Variants in ANO3 observed in about 807,000 individuals in gnomAD.
ANO3 encodes anoctamin 3.
Under a neutral mutation model 144.8 loss-of-function variants are expected in ANO3, and 99 were observed. The ratio of observed to expected loss-of-function variants is 0.68; its 90% CI spans 0.58 to 0.81. ANO3 has a LOEUF of 0.81. Ranked by LOEUF, ANO3 falls within the 30% of genes least tolerant of loss-of-function variation. The pLI, the probability that ANO3 is intolerant of heterozygous loss-of-function variation, is 0.00. For synonymous variants in ANO3, 414 were observed against 392.6 expected (o/e 1.05, Z -0.64); for missense variants, 905 against 1,202.2 (o/e 0.75, Z 3.66).
At chr11:26,496,937 A>G (rs1414682493) in intron 4 of ANO3, among the ~76,000 whole-genome samples, 2 of 149,860 alleles carry the variant, frequency 1.3e-5, no homozygotes, top group East Asian at 3.9e-4. Flanking sequence ...CAACCTAAGC[A>G]TTCATCACAG....
intron 4 of ANO3, among the ~76,000 whole-genome samples, chr11:26,470,665 G>A (rs1310374699): frequency 6.6e-6 from 1 of 151,916 alleles, no homozygotes; most frequent in South Asian, 2.1e-4. Flanking sequence ...GTAAAAAAAT[G>A]TGCAGTATAA....
intron 3 of ANO3, among the ~76,000 whole-genome samples, chr11:26,452,588 C>A (rs1399204250): frequency 6.6e-6 from 1 of 152,074 alleles, no homozygotes; most frequent in Non-Finnish European, 1.5e-5. Flanking sequence ...TGTGAAAAGA[C>A]CAAATCTACA....
chr11:26,419,101 TTACAATCA>T (rs60695910), intron 1 of ANO3, among the ~76,000 whole-genome samples: 8,375 of 152,166 alleles, frequency 0.055, 270 homozygotes, highest in African/African-American at 0.09. Context: ...CTCAGGAAAC[TTACAATCA>T]TGGCAGAAGG....
At chr11:26,618,702 C>T (rs1852330145) in intron 17 of ANO3, among the ~76,000 whole-genome samples, 1 of 152,120 alleles carries the variant, frequency 6.6e-6, no homozygotes, top group African/African-American at 2.4e-5. Context: ...TCCAAATCAC[C>T]CTGCACTCCA....
Position 26,301,416 on chromosome 11 carries a change from T to C in ANO3, c.155-8229T>C, listed in dbSNP as rs562500836. On this transcript the variant is annotated intron_variant, in intron 1 of 27. Transcript: ENST00000672621. Reference sequence around the variant, plus strand: ...TTAAAATAATTTTAAAATAGCAGCATAAATGAAACTGAAGTACTTTTATTT... The same window carrying C: ...TTAAAATAATTTTAAAATAGCAGCACAAATGAAACTGAAGTACTTTTATTT... 3.3e-5 allele frequency among the ~76,000 whole-genome samples: 5 copies of C among 152,350 alleles called. No individual in the cohort carries two copies. In the South Asian group the frequency reaches 8.3e-4, roughly 25 times the overall value.
intron 8 of ANO3, among the ~76,000 whole-genome samples, chr11:26,532,730 G>A (rs75310988): frequency 0.098 from 14,852 of 151,712 alleles, 929 homozygotes; most frequent in Middle Eastern, 0.15. Flanking sequence ...TTCATATGGC[G>A]TAGTCCTTCC....
rs544661168 is a variant in ANO3, at chr11:26,444,243, T to A, written c.313+407T>A. Reference sequence around the variant, plus strand: ...TATTTTTCCTATAACAGTGACAAGTTTACTCAATCTCCTTTTTTGCCTTTT... The same window carrying A: ...TATTTTTCCTATAACAGTGACAAGTATACTCAATCTCCTTTTTTGCCTTTT... On this transcript the variant is annotated intron_variant, in intron 3 of 26. Coordinates refer to ENST00000256737, the MANE Select transcript of ANO3 (RefSeq NM_031418.4). Among the ~76,000 whole-genome samples the A allele has an allele frequency of 7.2e-5, 11 of 152,320 alleles. No homozygotes were observed. In the East Asian group the frequency reaches 1.5e-3, roughly 21 times the overall value.
At chr11:26,242,963 A>G (rs1382167247) in intron 1 of ANO3, among the ~76,000 whole-genome samples, 1 of 152,176 alleles carries the variant, frequency 6.6e-6, no homozygotes, top group African/African-American at 2.4e-5. Context: ...TGTTTATTGT[A>G]TATCATCATC....
At chr11:26,307,721 A>AAATAATAATAATAATAATAATAAT (rs56805697), upstream of ANO3, among the ~76,000 whole-genome samples, 1 of 142,512 alleles carries the variant, frequency 7.0e-6, no homozygotes, top group Non-Finnish European at 1.5e-5. Context: ...CTCCGTCTCT[A>AAATAATAATAATAATAATAATAAT]AATAATAATA....
intron 1 of ANO3, among the ~76,000 whole-genome samples, chr11:26,342,888 T>C (rs536633883): frequency 6.4e-4 from 98 of 152,322 alleles, no homozygotes; most frequent in African/African-American, 2.3e-3. Context: ...ATTGTATATA[T>C]ATTTAGGGTG....
At chr11:26,648,599 G>A (rs1853424735) in intron 24 of ANO3, among the ~76,000 whole-genome samples, 1 of 151,470 alleles carries the variant, frequency 6.6e-6, no homozygotes. Flanking sequence ...TCCTCTGGGG[G>A]ACAAAATGAC....
chr11:26,564,692 T>C (rs978185658), intron 14 of ANO3, among the ~76,000 whole-genome samples: 84 of 41,136 alleles, frequency 2.0e-3, no homozygotes, highest in East Asian at 0.015. Context: ...CTCATATATA[T>C]ACACACACAC....
At chr11:26,620,951 T>C (rs534853665) in intron 17 of ANO3, among the ~76,000 whole-genome samples, 21 of 152,350 alleles carry the variant, frequency 1.4e-4, no homozygotes, top group Non-Finnish European at 2.4e-4. Flanking sequence ...TTTGTTCATG[T>C]CTATGTCCAT....
At chr11:26,615,769 G>C (rs1417527183) in intron 17 of ANO3, among the ~76,000 whole-genome samples, 1 of 151,986 alleles carries the variant, frequency 6.6e-6, no homozygotes, top group Non-Finnish European at 1.5e-5. Flanking sequence ...GCATCTTTAA[G>C]TTTGATCATT....
chr11:26,436,045 C>T (rs1253008405), intron 1 of ANO3, among the ~76,000 whole-genome samples: 1 of 152,154 alleles, frequency 6.6e-6, no homozygotes, highest in East Asian at 1.9e-4. Flanking sequence ...TAGGCTGCCT[C>T]TGATTGCAAT....
At chr11:26,627,726 T>C (rs1852632015) in intron 18 of ANO3, among the ~76,000 whole-genome samples, 1 of 152,126 alleles carries the variant, frequency 6.6e-6, no homozygotes, top group South Asian at 2.1e-4. Flanking sequence ...TGATGATTTA[T>C]GTCTGTTGAT....
At chr11:26,542,250 G>A (rs777653869) in intron 11 of ANO3, among the ~76,000 whole-genome samples, 182 bp downstream of exon 11, 1 of 152,136 alleles carries the variant, frequency 6.6e-6, no homozygotes, top group Non-Finnish European at 1.5e-5. Context: ...TGGGAGAGCT[G>A]AGAAATCAAA....
intron 1 of ANO3, among the ~76,000 whole-genome samples, chr11:26,233,663 T>C (rs1338621490): frequency 2.6e-5 from 4 of 152,172 alleles, no homozygotes; most frequent in East Asian, 1.9e-4. Flanking sequence ...TGAAGCACTA[T>C]TTATAATAGA....
chr11:26,332,354 G>A, intron 1 of ANO3, 33 bp downstream of exon 1: 4 of 1,610,758 alleles, frequency 2.5e-6, no homozygotes, highest in African/African-American at 1.3e-5. Flanking sequence ...TCTCCCTGCG[G>A]GCGTCACTTC....
Sources: allele counts gnomAD v4.1 joint callset (sites outside exome capture counted in the v4.1 genomes callset), GRCh38; gene constraint gnomAD v4.1.1; transcripts MANE v1.5; gene names NCBI Gene and HGNC (gene_info 2026-07-23, HGNC 2026-07-21).